Variants in VTI1A observed in about 807,000 individuals in gnomAD.
The protein encoded by VTI1A is vesicle transport through interaction with t-SNAREs 1A.
VTI1A carries 22 observed loss-of-function variants against 34.9 expected under a neutral mutation model. The observed-to-expected ratio is 0.63, with a 90% CI of 0.45 to 0.90. The LOEUF (loss-of-function observed/expected upper bound fraction) is 0.90, where lower values mean the gene tolerates loss of function less well. Among genes scored for constraint, VTI1A ranks in the 40% least tolerant of loss-of-function variants. The pLI is 0.00. For missense variants in VTI1A, 268 were observed against 275.6 expected, an observed-to-expected ratio of 0.97 and a Z score of 0.20; for synonymous variants, 87 against 97.3, an observed-to-expected ratio of 0.89 and a Z score of 0.62.
intron 1 of VTI1A, among the ~76,000 whole-genome samples, chr10:112,456,076 C>T (rs951375910): frequency 5.3e-5 from 8 of 151,996 alleles, no homozygotes; most frequent in South Asian, 2.1e-4. Context: ...AGTTTGGACA[C>T]GATTTGTCAA....
At chr10:112,819,336 A>G (rs973720406), downstream of VTI1A, among the ~76,000 whole-genome samples, 2 of 151,882 alleles carry the variant, frequency 1.3e-5, no homozygotes, top group Non-Finnish European at 2.9e-5. Flanking sequence ...GTGTGTGTGG[A>G]GGGGAAGTTC....
chr10:112,538,721 T>C (rs1391043222), intron 5 of VTI1A: 3 of 158,852 alleles, frequency 1.9e-5, no homozygotes, highest in African/African-American at 7.2e-5. Flanking sequence ...ATCTAAATCA[T>C]GTGAACTAGG....
At chr10:112,824,874 C>G in the VTI1A span, 1 of 152,234 alleles carries the variant, frequency 6.6e-6, no homozygotes, top group South Asian at 2.1e-4. Flanking sequence ...CATGGCAGTG[C>G]AAAGGGAACC....
chr10:112,571,803 T>C (rs994340602), intron 5 of VTI1A, among the ~76,000 whole-genome samples: 1 of 152,128 alleles, frequency 6.6e-6, no homozygotes, highest in African/African-American at 2.4e-5. Context: ...GAATATTACA[T>C]AGCCATAAAA....
chr10:112,846,858 A>G, the VTI1A span, among the ~76,000 whole-genome samples: 3 of 152,172 alleles, frequency 2.0e-5, no homozygotes, highest in Non-Finnish European at 2.9e-5. Flanking sequence ...ACTGGCTACC[A>G]TATTGAACAG....
intron 5 of VTI1A, among the ~76,000 whole-genome samples, chr10:112,554,157 G>A (rs1012491373): frequency 6.6e-6 from 1 of 151,950 alleles, no homozygotes; most frequent in Non-Finnish European, 1.5e-5. Context: ...TATTCCTTAG[G>A]TCTGTAACAA....
At chr10:112,754,390 T>G (rs1295952262) in intron 7 of VTI1A, among the ~76,000 whole-genome samples, 1 of 152,166 alleles carries the variant, frequency 6.6e-6, no homozygotes, top group Non-Finnish European at 1.5e-5. Context: ...CTCTGTAGAA[T>G]CCAGGAATGT....
intron 7 of VTI1A, among the ~76,000 whole-genome samples, chr10:112,692,177 A>G (rs1848637055): frequency 6.6e-6 from 1 of 151,658 alleles, no homozygotes; most frequent in Non-Finnish European, 1.5e-5. Context: ...AGTGTAGATT[A>G]AAATAACTAA....
chr10:112,654,593 C>T (rs922860715), intron 5 of VTI1A, among the ~76,000 whole-genome samples: 26 of 151,990 alleles, frequency 1.7e-4, no homozygotes, highest in African/African-American at 5.8e-4. Context: ...CCTGGGTTCA[C>T]GCCATTCTCC....
Position 112,783,348 on chromosome 10 carries a change from G to C in VTI1A, c.561-31942G>C, listed in dbSNP as rs147376541. Among the ~76,000 whole-genome samples, 519 of 151,132 alleles carry C rather than the reference G, an allele frequency of 3.4e-3. 3 individuals carry two copies. The highest frequency in any genetic ancestry group is 0.012 in the African/African-American group (498 of 41,170). ...TTGGGTAAGGGATATTTAAACCACA[G>C]CTGTTCAAGGGCTAAAAACATATGA... On this transcript the variant is annotated intron_variant, in intron 7 of 7. Transcript: ENST00000393077.
chr10:112,854,103 TGAGCCA>T, the VTI1A span, among the ~76,000 whole-genome samples: 1 of 152,164 alleles, frequency 6.6e-6, no homozygotes, highest in Non-Finnish European at 1.5e-5. Context: ...CATATGATAC[TGAGCCA>T]GGTCTCCAGG....
chr10:112,812,397 G>T lies in VTI1A; in HGVS notation c.561-2893G>T, dbSNP rs181089512. ...CCATCTCACTAGCTGGGAACCCCTTGGCCTAGCTGGTTTTTCTGATTGTCT... is the reference window on the plus strand; with the variant it reads ...CCATCTCACTAGCTGGGAACCCCTTTGCCTAGCTGGTTTTTCTGATTGTCT... On this transcript the variant is annotated intron_variant, in intron 7 of 7. Coordinates refer to ENST00000393077, the MANE Select transcript of VTI1A (RefSeq NM_145206.4). Among the ~76,000 whole-genome samples the T allele has an allele frequency of 9.8e-5, 15 of 152,302 alleles. No homozygotes were observed. The East Asian group carries it at 1.9e-3, about 20-fold the overall frequency.
Position 112,699,976 on chromosome 10 carries a change from G to A in VTI1A, c.560+30978G>A, listed in dbSNP as rs1047605429. Among the ~76,000 whole-genome samples, 184 of 151,400 alleles carry A rather than the reference G, an allele frequency of 1.2e-3. 3 individuals are homozygous for A. The highest frequency in any genetic ancestry group is 3.8e-3 in the African/African-American group (159 of 41,326). ...TCTATTAAAAATACAAAAATTAGCC[G>A]GGTATGGTGGCGGGCACCTGTAATC... is the stretch of plus-strand genomic sequence containing the variant. On this transcript the variant is annotated intron_variant, in intron 7 of 7. Coordinates refer to ENST00000393077, the MANE Select transcript of VTI1A (RefSeq NM_145206.4).
At chr10:112,456,426 A>G (rs1847528168) in intron 1 of VTI1A, among the ~76,000 whole-genome samples, 1 of 151,202 alleles carries the variant, frequency 6.6e-6, no homozygotes, top group Non-Finnish European at 1.5e-5. Context: ...CATCTCAAAA[A>G]AAAAAAAAAA....
chr10:112,534,667 G>A (rs1024842488), intron 4 of VTI1A, among the ~76,000 whole-genome samples: 1 of 151,978 alleles, frequency 6.6e-6, no homozygotes. Context: ...AAAAACCCTC[G>A]CCCTCCAACC....
intron 5 of VTI1A, among the ~76,000 whole-genome samples, chr10:112,595,483 C>T (rs1208794252): frequency 6.6e-6 from 1 of 152,086 alleles, no homozygotes; most frequent in African/African-American, 2.4e-5. Flanking sequence ...ACAAACAACC[C>T]CATCAAAAAG....
chr10:112,808,304 A>G (rs573787394), intron 7 of VTI1A, among the ~76,000 whole-genome samples: 20 of 152,118 alleles, frequency 1.3e-4, no homozygotes, highest in Admixed American at 7.2e-4. Flanking sequence ...TTGCAGGGAC[A>G]CTGTTCAATC....
chr10:112,626,199 G>A (rs1454167858), intron 5 of VTI1A, among the ~76,000 whole-genome samples: 4 of 152,068 alleles, frequency 2.6e-5, no homozygotes, highest in Non-Finnish European at 2.9e-5. Context: ...AGCACAGAGA[G>A]GTAAAAGCCC....
At chr10:112,779,195 G>A (rs1328620633) in intron 7 of VTI1A, among the ~76,000 whole-genome samples, 5 of 152,148 alleles carry the variant, frequency 3.3e-5, no homozygotes, top group African/African-American at 1.2e-4. Flanking sequence ...GATATTTTCA[G>A]TCTTCTGCAC....
Sources: allele counts gnomAD v4.1 joint callset (sites outside exome capture counted in the v4.1 genomes callset), GRCh38; gene constraint gnomAD v4.1.1; transcripts MANE v1.5; gene names NCBI Gene and HGNC (gene_info 2026-07-23, HGNC 2026-07-21).